The following ZDHHC15 variants were observed in gnomAD, a reference collection of about 807,000 sequenced individuals.
The protein encoded by ZDHHC15 is palmitoyltransferase ZDHHC15.
ZDHHC15 carries 19 observed loss-of-function variants against 31.7 expected under a neutral mutation model. The ratio of observed to expected loss-of-function variants is 0.60; its 90% CI spans 0.42 to 0.88. The LOEUF is 0.88. ZDHHC15 is among the 40% of genes least tolerant of loss of function. The probability of loss-of-function intolerance (pLI) is 0.00; values close to 1 mark genes in which losing one functional copy is unlikely to be tolerated. For missense variants in ZDHHC15, 209 were observed against 251.2 expected, an observed-to-expected ratio of 0.83 and a Z score of 1.14; for synonymous variants, 103 against 90.0, an observed-to-expected ratio of 1.14 and a Z score of -0.82.
intron 2 of ZDHHC15, among the ~76,000 whole-genome samples, chrX:75,497,794 C>T (rs1479857651): frequency 9.0e-6 from 1 of 110,996 alleles, no homozygotes; most frequent in Non-Finnish European, 1.9e-5. Flanking sequence ...TGATTAAAAC[C>T]CTCAGCAAAA....
intron 10 of ZDHHC15, among the ~76,000 whole-genome samples, chrX:75,393,614 T>C (rs1208370985): frequency 9.0e-6 from 1 of 111,509 alleles, no homozygotes; most frequent in African/African-American, 3.3e-5. Flanking sequence ...GTAGAGTCCT[T>C]AACATTTTTG....
chrX:75,416,993 T>C (rs776492347), intron 10 of ZDHHC15, 94 bp downstream of exon 10: 124 of 698,774 alleles, frequency 1.8e-4, no homozygotes, highest in Middle Eastern at 3.4e-4. Context: ...ACTTATGAGG[T>C]TGACATGCTT....
chrX:75,440,099 G>T (rs2083917400), intron 4 of ZDHHC15, among the ~76,000 whole-genome samples: 1 of 111,329 alleles, frequency 9.0e-6, no homozygotes, highest in South Asian at 3.8e-4. Context: ...ATTCTGTGAG[G>T]ATCCTTGACT....
intron 4 of ZDHHC15, among the ~76,000 whole-genome samples, chrX:75,433,842 G>T (rs1000906315): frequency 2.7e-5 from 3 of 110,545 alleles, no homozygotes; most frequent in African/African-American, 9.9e-5. Context: ...GACTTCTTTT[G>T]CTCTGGGTAA....
intron 3 of ZDHHC15, among the ~76,000 whole-genome samples, chrX:75,453,581 C>CA (rs913714111): frequency 8.2e-5 from 9 of 110,157 alleles, no homozygotes; most frequent in East Asian, 2.8e-4. Context: ...AGTGACACAA[C>CA]AAAAAAAAGA....
chrX:75,509,591 G>A (rs750613569), intron 1 of ZDHHC15, among the ~76,000 whole-genome samples: 19 of 112,121 alleles, frequency 1.7e-4, no homozygotes, highest in Admixed American at 9.5e-4. Context: ...TTATAATGAT[G>A]TACAGCATAT....
intron 3 of ZDHHC15, among the ~76,000 whole-genome samples, chrX:75,464,100 C>T (rs1054801158): frequency 3.6e-5 from 4 of 111,986 alleles, no homozygotes; most frequent in African/African-American, 1.3e-4. Context: ...GAATACTATG[C>T]AGCCATATAA....
intron 4 of ZDHHC15, among the ~76,000 whole-genome samples, chrX:75,448,581 A>C (rs1376625753): frequency 1.8e-5 from 2 of 112,195 alleles, no homozygotes; most frequent in Non-Finnish European, 3.8e-5. Flanking sequence ...TTTAATTAAC[A>C]AAATAGCAAG....
intron 4 of ZDHHC15, among the ~76,000 whole-genome samples, chrX:75,438,749 C>T (rs776308877): frequency 5.4e-5 from 6 of 110,901 alleles, no homozygotes; most frequent in Non-Finnish European, 1.1e-4. Context: ...TTTTATAACC[C>T]CTGTGAGATT....
intron 4 of ZDHHC15, 90 bp from the exon 5 acceptor site, chrX:75,431,610 C>A: frequency 1.3e-6 from 1 of 773,559 alleles, no homozygotes; most frequent in Non-Finnish European, 1.8e-6. Context: ...ACTTGTTATG[C>A]ACTGATTATA....
At chrX:75,440,929 A>C (rs768966446) in intron 4 of ZDHHC15, among the ~76,000 whole-genome samples, 45 of 111,414 alleles carry the variant, frequency 4.0e-4, no homozygotes, top group Non-Finnish European at 7.9e-4. Flanking sequence ...CCTCTGCTAC[A>C]TCATATAGGT....
chrX:75,396,151 C>A (rs2083296863), intron 10 of ZDHHC15, among the ~76,000 whole-genome samples: 1 of 111,717 alleles, frequency 9.0e-6, no homozygotes, highest in Admixed American at 9.5e-5. Flanking sequence ...CAAATGGGAT[C>A]ACATCAAGTT....
At chrX:75,393,096 C>T (rs2083264032) in intron 10 of ZDHHC15, among the ~76,000 whole-genome samples, 1 of 111,276 alleles carries the variant, frequency 9.0e-6, no homozygotes, top group Non-Finnish European at 1.9e-5. Context: ...GTATTCCATG[C>T]ATACTCTTTC....
intron 4 of ZDHHC15, among the ~76,000 whole-genome samples, chrX:75,450,287 G>A (rs895355472): frequency 1.8e-5 from 2 of 111,394 alleles, no homozygotes; most frequent in African/African-American, 6.5e-5. Context: ...GGGTGGGGTC[G>A]GATTGACTGG....
At chrX:75,449,580 T>C (rs1265879668) in intron 4 of ZDHHC15, among the ~76,000 whole-genome samples, 1 of 112,031 alleles carries the variant, frequency 8.9e-6, no homozygotes, top group Non-Finnish European at 1.9e-5. Flanking sequence ...TGAAGACTTT[T>C]AAAAATCATA....
intron 10 of ZDHHC15, among the ~76,000 whole-genome samples, chrX:75,402,950 G>A (rs1048123679): frequency 9.0e-6 from 1 of 111,321 alleles, no homozygotes; most frequent in Admixed American, 9.5e-5. Flanking sequence ...TTCACCTTCA[G>A]GCCTATATCC....
Position 75,371,630 on chromosome X carries a change from C to A in ZDHHC15, c.*1348G>T, listed in dbSNP as rs2083006763. 1 of 111,746 alleles carries A rather than the reference C, an allele frequency of 8.9e-6. No homozygotes were observed. Among genetic ancestry groups the A allele is most frequent in the Non-Finnish European group, 1.9e-5 (1 of 53,201 alleles). 9.2% of individuals were successfully genotyped at this position (111,746 alleles called of 1,213,427 possible). ...GTAAGCCAAACCATCCCTCTAGAAG[C>A]TCAATTCCTTGATACCTGTAAGATG... On this transcript the variant is annotated 3_prime_UTR_variant, in exon 12 of 12. Transcript: ENST00000373367.
At chrX:75,416,136 T>C (rs944612952) in intron 10 of ZDHHC15, among the ~76,000 whole-genome samples, 1 of 111,975 alleles carries the variant, frequency 8.9e-6, no homozygotes, top group Admixed American at 9.5e-5. Flanking sequence ...TTTTTATCTA[T>C]GGATTTGTGG....
At chrX:75,439,295 T>G (rs1488962547) in intron 4 of ZDHHC15, among the ~76,000 whole-genome samples, 1 of 111,982 alleles carries the variant, frequency 8.9e-6, no homozygotes, top group Non-Finnish European at 1.9e-5. Context: ...CCAATTACTC[T>G]TAGGTTTCAG....
Sources: gnomAD v4.1 joint callset for allele counts (sites outside exome capture counted in the v4.1 genomes callset) on GRCh38, gnomAD v4.1.1 for gene constraint, MANE v1.5 for transcripts, NCBI Gene and HGNC (gene_info 2026-07-23, HGNC 2026-07-21) for gene names.